The following PREX1 variants were observed in gnomAD, a reference collection of about 807,000 sequenced individuals.
PREX1 encodes phosphatidylinositol 3,4,5-trisphosphate-dependent Rac exchanger 1 protein.
PREX1 carries 41 observed loss-of-function variants against 198.3 expected under a neutral mutation model. That is an observed-to-expected ratio of 0.21 (90% CI 0.16 to 0.27). The LOEUF (loss-of-function observed/expected upper bound fraction) is 0.27, where lower values mean the gene tolerates loss of function less well. Ranked by LOEUF, PREX1 falls within the 10% of genes least tolerant of loss-of-function variation. The probability of loss-of-function intolerance (pLI) is 1.00; values close to 1 mark genes in which losing one functional copy is unlikely to be tolerated. For synonymous variants in PREX1, 843 were observed against 887.2 expected (o/e 0.95, Z 0.89); for missense variants, 1,620 against 2,200.7 (o/e 0.74, Z 5.28).
At chr20:48,774,925 C>T (rs2090254014) in intron 1 of PREX1, among the ~76,000 whole-genome samples, 1 of 152,236 alleles carries the variant, frequency 6.6e-6, no homozygotes, top group Non-Finnish European at 1.5e-5. Flanking sequence ...AGGCTGAATT[C>T]AGCGTTAAAT....
At position 48,674,096 on chromosome 20, in the gene PREX1, G is replaced by A. The variant is rs527852670; in HGVS notation, c.1665+2097C>T. ...GTGATTCTCACGAGGGCTGGGGAGT[G>A]TGGTACAATGGTTAGCAGCTCTGCC... On this transcript the variant is annotated intron_variant, in intron 14 of 39. Transcript: ENST00000371941. Among the ~76,000 whole-genome samples, 299 of 152,334 alleles carry A rather than the reference G, an allele frequency of 2.0e-3. 2 individuals are homozygous for A. Among genetic ancestry groups the A allele is most frequent in the African/African-American group, 6.9e-3 (287 of 41,572 alleles).
At chr20:48,878,724 A>G in the PREX1 span, among the ~76,000 whole-genome samples, 1 of 152,156 alleles carries the variant, frequency 6.6e-6, no homozygotes, top group Non-Finnish European at 1.5e-5. Context: ...CCTATCCCAG[A>G]TCCAGAGATG....
chr20:48,802,945 G>A (rs1284706866), intron 1 of PREX1, among the ~76,000 whole-genome samples: 3 of 152,150 alleles, frequency 2.0e-5, no homozygotes, highest in African/African-American at 4.8e-5. Context: ...CTGAGAAGAC[G>A]CCTTAGACCC....
At chr20:48,626,662 A>G (rs1211021206) in intron 39 of PREX1, among the ~76,000 whole-genome samples, 1 of 152,170 alleles carries the variant, frequency 6.6e-6, no homozygotes, top group Non-Finnish European at 1.5e-5. Flanking sequence ...GTGTGTGTGG[A>G]GCCCCCAGCG....
chr20:48,764,002 A>T (rs904425472), intron 1 of PREX1, among the ~76,000 whole-genome samples: 4 of 152,196 alleles, frequency 2.6e-5, no homozygotes, highest in African/African-American at 9.7e-5. Flanking sequence ...AGCTAAGCAG[A>T]CAAAGCTGGC....
intron 1 of PREX1, among the ~76,000 whole-genome samples, chr20:48,801,325 G>C (rs762533876): frequency 2.6e-5 from 4 of 152,196 alleles, no homozygotes; most frequent in Non-Finnish European, 5.9e-5. Context: ...CTAATTCTGA[G>C]AAGCTGGCCA....
At chr20:48,648,321 CA>C (rs1303541465) in intron 25 of PREX1, among the ~76,000 whole-genome samples, 2 of 152,178 alleles carry the variant, frequency 1.3e-5, no homozygotes, top group African/African-American at 2.4e-5. Flanking sequence ...CAAGTGGGGG[CA>C]ATTTTGCCCC....
chr20:48,820,730 G>C lies in PREX1; in HGVS notation c.219+6912C>G, dbSNP rs149363103. The stretch of plus-strand genomic sequence containing the variant: ...CAACTGGGGAAGAGGGGTCCTACTG[G>C]CATCTGGTAGGTAGAGGCCAGCGAT... On this transcript the variant is annotated intron_variant, in intron 1 of 39. Coordinates refer to ENST00000371941, the MANE Select transcript of PREX1 (RefSeq NM_020820.4). 8.6e-3 allele frequency among the ~76,000 whole-genome samples: 1,316 copies of C among 152,264 alleles called. 10 individuals are homozygous for C. Among genetic ancestry groups the C allele is most frequent in the Middle Eastern group, 0.044 (13 of 294 alleles).
rs138907689 is a variant in PREX1, at chr20:48,701,214, T to G, written c.784-328A>C. 1.6e-3 allele frequency among the ~76,000 whole-genome samples: 237 copies of G among 152,148 alleles called. 1 individual carries two copies. Among genetic ancestry groups the G allele is most frequent in the African/African-American group, 5.4e-3 (225 of 41,500 alleles). ...GTATATTTTGGTTCAGTTTTTGGTT[T>G]TTGGGTTTATTTTTTTTAAACGGAA... On this transcript the variant is annotated intron_variant, in intron 6 of 39. Transcript: ENST00000371941.
chr20:48,870,134 A>G, the PREX1 span, among the ~76,000 whole-genome samples: 8 of 152,346 alleles, frequency 5.3e-5, no homozygotes, highest in African/African-American at 1.9e-4. Context: ...CATTTCTAAT[A>G]TGTAAGGAAT....
rs1031914416 is a variant in PREX1 at position 48,684,378 on chromosome 20, C to T, written c.1335-3043G>A. On this transcript the variant is annotated intron_variant, in intron 10 of 39. Coordinates refer to ENST00000371941, the MANE Select transcript of PREX1 (RefSeq NM_020820.4). This position sits in a 1 kb window ranked among gnomAD's most constrained non-coding sequence, Gnocchi z 4.2. ...TGGAATACCCATCCCTGTGACTCCA[C>T]GGCTCAGGGATGCCTCCTGGAGATG... Among the ~76,000 whole-genome samples the T allele has an allele frequency of 6.6e-6, 1 of 152,130 alleles. No individual in the cohort carries two copies. Among genetic ancestry groups the T allele is most frequent in the Admixed American group, 6.5e-5 (1 of 15,274 alleles).
upstream of PREX1, among the ~76,000 whole-genome samples, chr20:48,831,430 C>A (rs886920629): frequency 6.6e-6 from 1 of 152,194 alleles, no homozygotes; most frequent in Non-Finnish European, 1.5e-5. Context: ...CGGCCACAAG[C>A]ATCTACTACA....
At chr20:48,826,851 T>C (rs1381037278) in intron 1 of PREX1, among the ~76,000 whole-genome samples, 1 of 152,072 alleles carries the variant, frequency 6.6e-6, no homozygotes, top group Non-Finnish European at 1.5e-5. Context: ...TGAGGGAGAC[T>C]CCGTCTCAAA....
intron 3 of PREX1, among the ~76,000 whole-genome samples, chr20:48,735,655 G>A (rs2090054174): frequency 6.6e-6 from 1 of 150,434 alleles, no homozygotes; most frequent in Non-Finnish European, 1.5e-5. Context: ...CAGGCTGCAC[G>A]CTGCTCTCCT....
chr20:48,679,641 G>T lies in PREX1; in HGVS notation c.1539+10C>A. Reference sequence around the variant, plus strand: ...GCTGAGTCAGAGTCACAGGGGCGGAGGGCCCCTACCTTGGACATGATGTCC... The same window carrying T: ...GCTGAGTCAGAGTCACAGGGGCGGATGGCCCCTACCTTGGACATGATGTCC... On this transcript the variant is annotated intron_variant, in intron 12 of 39. Coordinates refer to ENST00000371941, the MANE Select transcript of PREX1 (RefSeq NM_020820.4). 1 of 1,591,610 alleles carries T rather than the reference G, an allele frequency of 6.3e-7. No individual in the cohort carries two copies. Among genetic ancestry groups the T allele is most frequent in the Non-Finnish European group, 8.6e-7 (1 of 1,159,570 alleles).
intron 5 of PREX1, among the ~76,000 whole-genome samples, chr20:48,710,769 G>A (rs2089926808): frequency 6.6e-6 from 1 of 152,258 alleles, no homozygotes. Context: ...AAGCTTGAAT[G>A]AGGTGAGGCC....
At position 48,624,490 on chromosome 20, in the gene PREX1, G is replaced by A. The variant is rs1396775328; in HGVS notation, c.*1395C>T. ...GAGGGAAGCGCACCCTGGAGGGCGGGAGGCTCGGATGCCAGATGCCGGGAG... is the reference window on the plus strand; with the variant it reads ...GAGGGAAGCGCACCCTGGAGGGCGGAAGGCTCGGATGCCAGATGCCGGGAG... On this transcript the variant is annotated 3_prime_UTR_variant, in exon 40 of 40. Coordinates refer to ENST00000371941, the MANE Select transcript of PREX1 (RefSeq NM_020820.4). 3 of 152,564 alleles carry A rather than the reference G, an allele frequency of 2.0e-5. No homozygotes were observed. The highest frequency in any genetic ancestry group is 7.2e-5 in the African/African-American group (3 of 41,454). 9.5% of individuals were successfully genotyped at this position (152,564 alleles called of 1,614,324 possible). A position where few individuals can be genotyped will look rare whatever the true frequency, so the allele number is the denominator to read the frequency against.
chr20:48,803,394 T>C (rs924004003), intron 1 of PREX1, among the ~76,000 whole-genome samples: 6 of 152,042 alleles, frequency 3.9e-5, no homozygotes. Context: ...CAGATTTGCA[T>C]GGCAGACTCC....
At chr20:48,838,244 G>A in the PREX1 span, among the ~76,000 whole-genome samples, 2 of 152,280 alleles carry the variant, frequency 1.3e-5, no homozygotes, top group African/African-American at 4.8e-5. Flanking sequence ...GGAATCATTT[G>A]TTAGGTTTTA....
Sources: allele counts gnomAD v4.1 joint callset (sites outside exome capture counted in the v4.1 genomes callset), GRCh38; gene constraint gnomAD v4.1.1; non-coding constraint Gnocchi (gnomAD v3.1); transcripts MANE v1.5; gene names NCBI Gene and HGNC (gene_info 2026-07-23, HGNC 2026-07-21).